The following INPP4B variants were observed in gnomAD, a reference collection of about 807,000 sequenced individuals.
INPP4B encodes the protein inositol polyphosphate-4-phosphatase type II B.
INPP4B carries 55 observed loss-of-function variants against 122.5 expected under a neutral mutation model. That is an observed-to-expected ratio of 0.45 (90% CI 0.36 to 0.56). INPP4B has a LOEUF of 0.56. INPP4B is among the 20% of genes least tolerant of loss of function. The probability of loss-of-function intolerance (pLI) is 0.00; values close to 1 mark genes in which losing one functional copy is unlikely to be tolerated. For synonymous variants in INPP4B, 403 were observed against 388.7 expected (o/e 1.04, Z -0.43); for missense variants, 1,000 against 1,097.7 (o/e 0.91, Z 1.26).
At chr4:142,660,452 T>C (rs1038895930) in intron 2 of INPP4B, among the ~76,000 whole-genome samples, 1 of 152,088 alleles carries the variant, frequency 6.6e-6, no homozygotes, top group Non-Finnish European at 1.5e-5. Context: ...CTTCTTTTTA[T>C]TCCTTTCTCC....
chr4:142,496,138 G>T, intron 2 of INPP4B, among the ~76,000 whole-genome samples: 1 of 152,066 alleles, frequency 6.6e-6, no homozygotes, highest in Non-Finnish European at 1.5e-5. Context: ...TGAAGCAGAA[G>T]TTTAGTTTTG....
chr4:142,037,347 A>T (rs1744620131), intron 25 of INPP4B, among the ~76,000 whole-genome samples: 1 of 152,110 alleles, frequency 6.6e-6, no homozygotes, highest in African/African-American at 2.4e-5. Context: ...GCAAGTATCT[A>T]TGCTGTATCC....
chr4:142,676,649 A>C (rs1338844286), intron 2 of INPP4B, among the ~76,000 whole-genome samples: 1 of 152,152 alleles, frequency 6.6e-6, no homozygotes, highest in Non-Finnish European at 1.5e-5. Flanking sequence ...AGATATATAG[A>C]CCAATGGAAC....
chr4:142,212,625 C>T (rs1845400866), intron 12 of INPP4B, among the ~76,000 whole-genome samples: 1 of 152,124 alleles, frequency 6.6e-6, no homozygotes, highest in African/African-American at 2.4e-5. Context: ...ATGAGGAACA[C>T]ACAGTAACCA....
chr4:142,481,611 A>G (rs1820557067), intron 2 of INPP4B, among the ~76,000 whole-genome samples: 1 of 152,108 alleles, frequency 6.6e-6, no homozygotes, highest in Non-Finnish European at 1.5e-5. Flanking sequence ...CATATTTGTT[A>G]TGTGTTATAG....
At chr4:142,058,454 C>T (rs1758849002) in intron 25 of INPP4B, among the ~76,000 whole-genome samples, 1 of 151,964 alleles carries the variant, frequency 6.6e-6, no homozygotes, top group South Asian at 2.1e-4. Flanking sequence ...TTTTCTTTTT[C>T]CCTGAAAGTA....
At position 142,405,262 on chromosome 4, in the gene INPP4B, C is replaced by T. The variant is rs773384747; in HGVS notation, c.199G>A (p.Val67Ile). ...AGACTCTGCTCCACGGGGTGGATTA[C>T]GGAGATCTGCACCAGTGTATTCAGT... ...RKLNTLVQIS[V>I]IHPVEQSLTR... The change falls in exon 6 of 26, where the codon GTA (valine) becomes ATA (isoleucine). Residue 67 changes from valine to isoleucine, a missense_variant. Coordinates refer to ENST00000262992, the MANE Select transcript of INPP4B (RefSeq NM_001101669.3). The T allele has an allele frequency of 5.0e-6, 8 of 1,613,704 alleles. No individual in the cohort carries two copies. The East Asian group carries it at 8.9e-5, about 18-fold the overall frequency.
intron 25 of INPP4B, among the ~76,000 whole-genome samples, chr4:142,072,234 G>A (rs1345746598): frequency 6.6e-6 from 1 of 152,050 alleles, no homozygotes; most frequent in Admixed American, 6.6e-5. Context: ...ACTATCGCAA[G>A]GACAGAAAGC....
intron 2 of INPP4B, among the ~76,000 whole-genome samples, chr4:142,588,430 A>G (rs953924100): frequency 2.6e-5 from 4 of 151,820 alleles, no homozygotes; most frequent in African/African-American, 9.7e-5. Context: ...CAAGAACAAT[A>G]AACTATGGAG....
intron 11 of INPP4B, among the ~76,000 whole-genome samples, chr4:142,250,131 TTTC>T (rs1389087621): frequency 6.6e-6 from 1 of 152,212 alleles, no homozygotes; most frequent in East Asian, 1.9e-4. Flanking sequence ...CTTATATATC[TTTC>T]TTATGGAATT....
intron 7 of INPP4B, among the ~76,000 whole-genome samples, chr4:142,367,860 T>C (rs1436169526): frequency 6.6e-6 from 1 of 152,110 alleles, no homozygotes; most frequent in African/African-American, 2.4e-5. Context: ...AGGATTCTGG[T>C]TTTCCTTATG....
chr4:142,697,483 T>C (rs78879849), intron 2 of INPP4B, among the ~76,000 whole-genome samples: 3,922 of 152,322 alleles, frequency 0.026, 64 homozygotes, highest in Middle Eastern at 0.092. Context: ...TGTGATAATG[T>C]TCTGTTGATT....
chr4:142,070,592 C>A (rs6846391), intron 25 of INPP4B, among the ~76,000 whole-genome samples: 99 of 152,232 alleles, frequency 6.5e-4, no homozygotes, highest in African/African-American at 2.3e-3. Flanking sequence ...AAAACCCCAT[C>A]GTCTGAGCCC....
At chr4:142,599,898 A>G (rs936794298) in intron 2 of INPP4B, among the ~76,000 whole-genome samples, 5 of 151,922 alleles carry the variant, frequency 3.3e-5, no homozygotes, top group Admixed American at 1.3e-4. Context: ...GGTACACTCA[A>G]TGATAGACTA....
chr4:142,454,905 T>TA (rs981717262), intron 3 of INPP4B, among the ~76,000 whole-genome samples: 4 of 152,102 alleles, frequency 2.6e-5, no homozygotes, highest in Non-Finnish European at 4.4e-5. Context: ...CTAAGGACTC[T>TA]AAAAAAATAA....
Position 142,347,317 on chromosome 4 carries a change from A to C in INPP4B, c.373-32555T>G, listed in dbSNP as rs149896449. 4.7e-4 allele frequency: 89 copies of C among 189,880 alleles called. 1 individual carries two copies. Among genetic ancestry groups the C allele is most frequent in the Middle Eastern group, 1.5e-3 (2 of 1,302 alleles). The allele number at this position is 189,880 out of a possible 1,614,324, so 11.8% of individuals were successfully genotyped here. ...ACCAACCTCTTAATAGGGATAACAT[A>C]AAAAAAGTCTGAGGAGTGAGTTTTT... On this transcript the variant is annotated intron_variant, in intron 7 of 25. Transcript: ENST00000262992.
At chr4:142,241,627 A>G (rs1460011477) in intron 11 of INPP4B, among the ~76,000 whole-genome samples, 1 of 152,200 alleles carries the variant, frequency 6.6e-6, no homozygotes, top group Non-Finnish European at 1.5e-5. Flanking sequence ...TGCCAAGGAA[A>G]TGTTCAACAG....
intron 7 of INPP4B, among the ~76,000 whole-genome samples, chr4:142,377,494 C>T (rs146967025): frequency 1.3e-3 from 194 of 152,114 alleles, no homozygotes; most frequent in African/African-American, 4.4e-3. Flanking sequence ...TAACATGCTG[C>T]TCAAATAAGT....
At chr4:142,687,044 C>T (rs928718324) in intron 2 of INPP4B, among the ~76,000 whole-genome samples, 1 of 151,762 alleles carries the variant, frequency 6.6e-6, no homozygotes, top group African/African-American at 2.4e-5. Context: ...GGGATTCTTG[C>T]GAAAACTGGG....
Sources: allele counts gnomAD v4.1 joint callset (sites outside exome capture counted in the v4.1 genomes callset), GRCh38; gene constraint gnomAD v4.1.1; transcripts MANE v1.5; gene names NCBI Gene and HGNC (gene_info 2026-07-23, HGNC 2026-07-21).